The following LINGO2 variants were observed in gnomAD, a reference collection of about 807,000 sequenced individuals.
The protein encoded by LINGO2 is leucine-rich repeat and immunoglobulin-like domain-containing nogo receptor-interacting protein 2.
A neutral mutation model predicts 30.6 loss-of-function variants in LINGO2; 14 were observed. The observed-to-expected ratio is 0.46, with a 90% CI of 0.30 to 0.72. The LOEUF is 0.72. Among genes scored for constraint, LINGO2 ranks in the 30% least tolerant of loss-of-function variants. The pLI is 0.07. For missense variants in LINGO2, 729 were observed against 751.7 expected (o/e 0.97, Z 0.35); for synonymous variants, 317 against 288.5 (o/e 1.10, Z -1.00).
At chr9:28,789,519 T>C in the LINGO2 span, among the ~76,000 whole-genome samples, 6 of 152,184 alleles carry the variant, frequency 3.9e-5, no homozygotes, top group Non-Finnish European at 5.9e-5. Context: ...AGACCCCATA[T>C]GTTTTACTCT....
intron 4 of LINGO2, among the ~76,000 whole-genome samples, chr9:28,118,026 A>G (rs2133384766): frequency 6.6e-6 from 1 of 152,278 alleles, no homozygotes; most frequent in South Asian, 2.1e-4. Context: ...GTGGGAGCTG[A>G]AAAATAAGAA....
intron 2 of LINGO2, among the ~76,000 whole-genome samples, chr9:28,376,204 G>A (rs984696064): frequency 1.3e-5 from 2 of 151,736 alleles, no homozygotes; most frequent in Non-Finnish European, 2.9e-5. Flanking sequence ...GGCCACATAT[G>A]TTCATTAGGG....
chr9:28,743,701 GT>G, the LINGO2 span, among the ~76,000 whole-genome samples: 30 of 151,828 alleles, frequency 2.0e-4, no homozygotes, highest in East Asian at 5.4e-3. Flanking sequence ...GGGATGAGTA[GT>G]TTTTTTGTTT....
chr9:28,036,416 T>A (rs1263742147), intron 4 of LINGO2, among the ~76,000 whole-genome samples: 3 of 152,160 alleles, frequency 2.0e-5, no homozygotes, highest in African/African-American at 7.2e-5. Flanking sequence ...TTATTGTGGG[T>A]CCTGGTTGGT....
At chr9:28,192,987 G>A (rs1021908598) in intron 4 of LINGO2, among the ~76,000 whole-genome samples, 3 of 152,090 alleles carry the variant, frequency 2.0e-5, no homozygotes, top group Non-Finnish European at 4.4e-5. Flanking sequence ...AGACTTAGAA[G>A]GCCTAACTTG....
At chr9:29,159,232 T>C in the LINGO2 span, among the ~76,000 whole-genome samples, 1 of 152,176 alleles carries the variant, frequency 6.6e-6, no homozygotes, top group South Asian at 2.1e-4. Context: ...TTGGCACTAG[T>C]GTATTTCAGC....
At chr9:28,238,059 A>T (rs565566339) in intron 4 of LINGO2, among the ~76,000 whole-genome samples, 1 of 152,270 alleles carries the variant, frequency 6.6e-6, no homozygotes, top group East Asian at 1.9e-4. Flanking sequence ...CTGATCCATT[A>T]GTCAATTCGG....
intron 1 of LINGO2, among the ~76,000 whole-genome samples, chr9:28,570,884 A>G (rs999098139): frequency 2.0e-5 from 3 of 152,016 alleles, no homozygotes; most frequent in African/African-American, 7.2e-5. Context: ...TGTATTCACT[A>G]TCAAGTAGCC....
the LINGO2 span, among the ~76,000 whole-genome samples, chr9:29,062,974 G>T: frequency 6.6e-6 from 1 of 152,134 alleles, no homozygotes; most frequent in South Asian, 2.1e-4. Context: ...GACTTGGTTG[G>T]CTCTCTCAGC....
the LINGO2 span, among the ~76,000 whole-genome samples, chr9:28,715,864 T>C: frequency 6.6e-6 from 1 of 152,074 alleles, no homozygotes; most frequent in Non-Finnish European, 1.5e-5. Flanking sequence ...CCTGCCTATA[T>C]TGGACTTGTG....
At chr9:28,579,422 G>T (rs1824153948) in intron 1 of LINGO2, among the ~76,000 whole-genome samples, 1 of 152,000 alleles carries the variant, frequency 6.6e-6, no homozygotes, top group Non-Finnish European at 1.5e-5. Context: ...ATACTTTGTT[G>T]CTGGCTGTCT....
At chr9:28,991,334 G>T in the LINGO2 span, among the ~76,000 whole-genome samples, 2 of 151,258 alleles carry the variant, frequency 1.3e-5, no homozygotes, top group African/African-American at 4.9e-5. Context: ...AAAAAGAAAC[G>T]AACAAAGCCT....
chr9:28,834,905 C>T, the LINGO2 span, among the ~76,000 whole-genome samples: 35 of 152,276 alleles, frequency 2.3e-4, no homozygotes, highest in African/African-American at 7.9e-4. Context: ...AACCATGTCT[C>T]GCCTTGTTTA....
At chr9:28,293,210 A>C (rs372681009) in intron 4 of LINGO2, among the ~76,000 whole-genome samples, 4 of 151,752 alleles carry the variant, frequency 2.6e-5, no homozygotes, top group African/African-American at 9.7e-5. Flanking sequence ...CAGTCCTCCC[A>C]CCTCAGCCTC....
At chr9:28,876,897 T>A in the LINGO2 span, among the ~76,000 whole-genome samples, 1 of 152,042 alleles carries the variant, frequency 6.6e-6, no homozygotes, top group African/African-American at 2.4e-5. Context: ...TTTCTCCACA[T>A]CCTCTCCAGC....
the LINGO2 span, among the ~76,000 whole-genome samples, chr9:29,010,830 C>A: frequency 6.6e-6 from 1 of 151,650 alleles, no homozygotes; most frequent in Non-Finnish European, 1.5e-5. Context: ...TGCAGTGAGC[C>A]AAGATTGTGC....
chr9:28,405,718 A>C (rs1822478230), intron 2 of LINGO2, among the ~76,000 whole-genome samples: 1 of 152,198 alleles, frequency 6.6e-6, no homozygotes, highest in African/African-American at 2.4e-5. Context: ...AGAATAAGAC[A>C]AACTTCTCTT....
At chr9:28,287,678 T>A (rs1823565945) in intron 4 of LINGO2, among the ~76,000 whole-genome samples, 1 of 152,110 alleles carries the variant, frequency 6.6e-6, no homozygotes, top group Non-Finnish European at 1.5e-5. Flanking sequence ...GAAAAAAGTC[T>A]CAAAAGGGAA....
chr9:28,103,550 C>A (rs1826478738), intron 4 of LINGO2, among the ~76,000 whole-genome samples: 2 of 152,146 alleles, frequency 1.3e-5, no homozygotes, highest in Admixed American at 6.6e-5. Flanking sequence ...TGCCCCATAG[C>A]CAACAGCCAG....
Sources: gnomAD v4.1 joint callset for allele counts (sites outside exome capture counted in the v4.1 genomes callset) on GRCh38, gnomAD v4.1.1 for gene constraint, MANE v1.5 for transcripts, NCBI Gene and HGNC (gene_info 2026-07-23, HGNC 2026-07-21) for gene names.